MYOC: variants seen among roughly 807,000 people sequenced by gnomAD.
MYOC encodes the protein juvenile-onset open-angle glaucoma 1.
A neutral mutation model predicts 28.2 loss-of-function variants in MYOC; 29 were observed. The ratio of observed to expected loss-of-function variants is 1.03; its 90% CI spans 0.77 to 1.40. The LOEUF (loss-of-function observed/expected upper bound fraction) is 1.40. MYOC is among the 40% of genes most tolerant of loss of function. MYOC has a pLI of 0.00. For synonymous variants in MYOC, 240 were observed against 245.6 expected, an observed-to-expected ratio of 0.98 and a Z score of 0.21; for missense variants, 569 against 620.6, an observed-to-expected ratio of 0.92 and a Z score of 0.88.
intron 1 of MYOC, among the ~76,000 whole-genome samples, chr1:171,639,019 C>A (rs1653001002): frequency 6.7e-6 from 1 of 149,294 alleles, no homozygotes; most frequent in African/African-American, 2.5e-5. Flanking sequence ...TTGCTTGAAC[C>A]AAGGAGGGGG....
At chr1:171,645,747 A>C (rs113495692) in intron 1 of MYOC, among the ~76,000 whole-genome samples, 1 of 151,778 alleles carries the variant, frequency 6.6e-6, no homozygotes, top group African/African-American at 2.4e-5. Context: ...TGCCTTGTAA[A>C]CTCTCAGCTC....
At chr1:171,639,946 GAAAAAAAAAAAA>G (rs1175117891) in intron 1 of MYOC, among the ~76,000 whole-genome samples, 4 of 46,974 alleles carry the variant, frequency 8.5e-5, no homozygotes, top group South Asian at 2.5e-3. Flanking sequence ...TCTGTCTCAA[GAAAAAAAAAAAA>G]AAAAAAAAAA....
intron 1 of MYOC, among the ~76,000 whole-genome samples, chr1:171,641,826 A>C (rs572791158): frequency 6.6e-6 from 1 of 152,202 alleles, no homozygotes; most frequent in Non-Finnish European, 1.5e-5. Flanking sequence ...GAGCGCCTAC[A>C]CAGCCGAGAG....
Position 171,636,327 on chromosome 1 carries a change from A to G in MYOC, c.1113T>C (p.Tyr371=). The G allele has an allele frequency of 6.2e-7, 1 of 1,613,944 alleles. No individual in the cohort carries two copies. Among genetic ancestry groups the G allele is most frequent in the African/African-American group, 1.3e-5 (1 of 74,974 alleles). The change falls in exon 3 of 3, where the codon TAT becomes TAC. Residue 371 remains tyrosine, a synonymous_variant. Coordinates refer to ENST00000037502, the MANE Select transcript of MYOC (RefSeq NM_000261.2). The part of the protein sequence containing the change: ...PGAGYHGQFP[Y]SWGGYTDIDL... The stretch of plus-strand genomic sequence containing the variant: ...CAATGTCCGTGTAGCCACCCCAAGA[A>G]TACGGGAACTGTCCGTGGTAGCCAG...
chr1:171,638,819 C>T (rs1435788389), intron 1 of MYOC, 97 bp from the exon 2 acceptor site: 15 of 1,404,440 alleles, frequency 1.1e-5, no homozygotes, highest in South Asian at 8.1e-5. Context: ...GCCGGCCAGG[C>T]GTGGTGGCTC....
chr1:171,652,660 G>C lies in MYOC; in HGVS notation c.-49C>G. ...TCTGGAAAGCTCTGCTGTGCTGAGA[G>C]GTGCCTGGATGGGTGGCCTTGCTGG... is the stretch of plus-strand genomic sequence containing the variant. On this transcript the variant is annotated 5_prime_UTR_variant, in exon 1 of 3. Transcript: ENST00000037502. The C allele has an allele frequency of 6.2e-7, 1 of 1,611,686 alleles. No individual in the cohort carries two copies. The highest frequency in any genetic ancestry group is 1.1e-5 in the South Asian group (1 of 90,706).
intron 2 of MYOC, 147 bp downstream of exon 2, chr1:171,638,450 G>T: frequency 2.2e-6 from 2 of 900,538 alleles, no homozygotes; most frequent in South Asian, 3.1e-5. Context: ...AGAGAGTTCT[G>T]TTCCTCTTCT....
chr1:171,651,972 T>A, intron 1 of MYOC, 36 bp downstream of exon 1: 1 of 1,614,032 alleles, frequency 6.2e-7, no homozygotes, highest in Non-Finnish European at 8.5e-7. Context: ...CCATATCACC[T>A]GCTGAACTCA....
At position 171,635,941 on chromosome 1, in the gene MYOC, T is replaced by C. The variant is rs145977437; in HGVS notation, c.1499A>G (p.Lys500Arg). 488 of 1,614,144 alleles carry C rather than the reference T, an allele frequency of 3.0e-4. 3 individuals are homozygous for C. In the African/African-American group the frequency reaches 5.8e-3, roughly 19 times the overall value. The change falls in exon 3 of 3, where the codon AAG becomes AGG. Residue 500 changes from lysine to arginine, a missense_variant. Transcript: ENST00000037502. Reference sequence around the variant, plus strand: ...GGAGGCTTTTCACATCTTGGAGAGCTTGATGTCATAAGTGACCATGTTCAA... The same window carrying C: ...GGAGGCTTTTCACATCTTGGAGAGCCTGATGTCATAAGTGACCATGTTCAA... Reference protein sequence around the residue: ...DNLNMVTYDIKLSKM With the variant: ...DNLNMVTYDIRLSKM
chr1:171,643,968 CAAAAAAAAAA>C (rs145167337), intron 1 of MYOC, among the ~76,000 whole-genome samples: 23 of 89,436 alleles, frequency 2.6e-4, no homozygotes, highest in South Asian at 4.1e-4. Flanking sequence ...GACTCTGTCT[CAAAAAAAAAA>C]AAAAAAAAAA....
chr1:171,636,714 T>G lies in MYOC; in HGVS notation c.731-5A>C. 1 of 1,600,590 alleles carries G rather than the reference T, an allele frequency of 6.2e-7. No individual in the cohort carries two copies. Among genetic ancestry groups the G allele is most frequent in the Non-Finnish European group, 8.5e-7 (1 of 1,179,880 alleles). On this transcript the variant is annotated splice_region_variant and splice_polypyrimidine_tract_variant and intron_variant, in intron 2 of 2. Coordinates refer to ENST00000037502, the MANE Select transcript of MYOC (RefSeq NM_000261.2). ...CCCAAACTAGTTCTCCACATCCTGGTAAATTCAGAAAAGAAAACGAAGCAC... is the reference window on the plus strand; with the variant it reads ...CCCAAACTAGTTCTCCACATCCTGGGAAATTCAGAAAAGAAAACGAAGCAC...
In MYOC at chr1:171,635,499, G is replaced by A. The variant is rs142425726; in HGVS notation, c.*426C>T. The A allele has an allele frequency of 2.5e-3, 828 of 331,506 alleles. 3 individuals are homozygous for A. Among genetic ancestry groups the A allele is most frequent in the Non-Finnish European group, 3.9e-3 (690 of 177,706 alleles). The allele number at this position is 331,506 out of a possible 1,614,324, so 20.5% of individuals were successfully genotyped here. A position where few individuals can be genotyped will look rare whatever the true frequency, so the allele number is the denominator to read the frequency against. On this transcript the variant is annotated 3_prime_UTR_variant, in exon 3 of 3. Coordinates refer to ENST00000037502, the MANE Select transcript of MYOC (RefSeq NM_000261.2). ...CTATCTGAAGCATTAGAAGCCAACT[G>A]TAGTAAATGCATCTTACTTATATTC...
chr1:171,642,811 G>A (rs941338303), intron 1 of MYOC, among the ~76,000 whole-genome samples: 1 of 149,204 alleles, frequency 6.7e-6, no homozygotes, highest in South Asian at 2.2e-4. Flanking sequence ...AGCACCTATT[G>A]AGTGCAAGGC....
rs776956998 is a variant in MYOC, at chr1:171,636,368, T to A, written c.1072A>T (p.Lys358Ter). Reference sequence around the variant, plus strand: ...TGGTAGCCAGCTCCAGGGATTTCCTTCTCAGCCTTCACTGTCTCGGTATTC... The same window carrying A: ...TGGTAGCCAGCTCCAGGGATTTCCTACTCAGCCTTCACTGTCTCGGTATTC... Reference protein sequence around the residue: ...ELNTETVKAEKEIPGAGYHGQ... With the variant: ...ELNTETVKAE The change falls in exon 3 of 3, where the codon AAG becomes TAG. Residue 358 changes from lysine to a stop codon, truncating the protein, a stop_gained. Transcript: ENST00000037502. LOFTEE classifies it low-confidence loss of function (END_TRUNC). 2.5e-6 allele frequency: 4 copies of A among 1,613,954 alleles called. No individual in the cohort carries two copies. The highest frequency in any genetic ancestry group is 1.1e-5 in the South Asian group (1 of 91,064).
intron 1 of MYOC, among the ~76,000 whole-genome samples, chr1:171,641,376 G>A (rs949155949): frequency 2.0e-5 from 3 of 152,146 alleles, no homozygotes; most frequent in Admixed American, 6.5e-5. Flanking sequence ...GGAAAGAAAG[G>A]GGAGGCAGGG....
intron 1 of MYOC, among the ~76,000 whole-genome samples, chr1:171,649,781 G>T (rs1653310670): frequency 6.6e-6 from 1 of 152,214 alleles, no homozygotes; most frequent in East Asian, 1.9e-4. Flanking sequence ...GGCAACAAGA[G>T]TGAAACTCTG....
At chr1:171,639,305 A>C (rs561712498) in intron 1 of MYOC, among the ~76,000 whole-genome samples, 1 of 152,286 alleles carries the variant, frequency 6.6e-6, no homozygotes, top group East Asian at 1.9e-4. Context: ...TCCATAATTA[A>C]AAACCTCATA....
chr1:171,640,688 C>T (rs545644973), intron 1 of MYOC, among the ~76,000 whole-genome samples: 4 of 152,214 alleles, frequency 2.6e-5, no homozygotes, highest in African/African-American at 9.6e-5. Context: ...GAGCAGTGAT[C>T]GTACCTCTGC....
rs764005392 is a variant in MYOC at position 171,652,368 on chromosome 1, G to A, written c.244C>T (p.Arg82Cys). ...HNLQRDSSTQRLDLEATKARL... is the reference protein window; with the variant it reads ...HNLQRDSSTQCLDLEATKARL... ...GCTTTGGTGGCCTCCAGGTCTAAGCGTTGGGTGCTGCTGTCTCTCTGTAAG... is the reference window on the plus strand; with the variant it reads ...GCTTTGGTGGCCTCCAGGTCTAAGCATTGGGTGCTGCTGTCTCTCTGTAAG... Residue 82 changes from arginine to cysteine, a missense_variant, in exon 1 of 3, where the codon CGC (arginine) becomes TGC (cysteine). Physicochemically the swap from Arg to Cys is radical, Grantham distance 180. Transcript: ENST00000037502. 1.3e-4 allele frequency: 208 copies of A among 1,612,372 alleles called. No individual in the cohort carries two copies. The highest frequency in any genetic ancestry group is 1.6e-4 in the Non-Finnish European group (194 of 1,178,658).
Sources: gnomAD v4.1 joint callset for allele counts (sites outside exome capture counted in the v4.1 genomes callset) on GRCh38, gnomAD v4.1.1 for gene constraint, MANE v1.5 for transcripts, NCBI Gene and HGNC (gene_info 2026-07-23, HGNC 2026-07-21) for gene names.